Variants in FBXO11 observed in about 807,000 individuals in gnomAD.
The protein encoded by FBXO11 is F-box protein 11, also known as F-box only protein 11.
FBXO11 carries 13 observed loss-of-function variants against 117.0 expected under a neutral mutation model. The ratio of observed to expected loss-of-function variants is 0.11; its 90% confidence interval spans 0.07 to 0.18. The LOEUF (loss-of-function observed/expected upper bound fraction) is 0.18. FBXO11 is among the 10% of genes least tolerant of loss of function. The pLI, the probability that FBXO11 is intolerant of heterozygous loss-of-function variation, is 1.00. For missense variants in FBXO11, 767 were observed against 1,164.4 expected (o/e 0.66, Z 4.97); for synonymous variants, 490 against 380.5 (o/e 1.29, Z -3.35).
chr2:47,807,988 A>G lies in FBXO11; in HGVS notation c.*130T>C, dbSNP rs971197622. ...TGGTAGCTTGAGCTTCATAGTGTCA[A>G]CTGACCTTGTGTATCCATTTTTAAT... On this transcript the variant is annotated 3_prime_UTR_variant, in exon 23 of 23. Coordinates refer to ENST00000403359, the MANE Select transcript of FBXO11 (RefSeq NM_001190274.2). The G allele has an allele frequency of 5.2e-5, 43 of 819,360 alleles. 1 individual carries two copies. The highest frequency in any genetic ancestry group is 5.4e-5 in the Non-Finnish European group (28 of 520,376). The allele number at this position is 819,360 out of a possible 1,614,324, so 50.8% of individuals were successfully genotyped here. A position where few individuals can be genotyped will look rare whatever the true frequency, so the allele number is the denominator to read the frequency against.
In FBXO11 at chr2:47,813,391, A is replaced by C. The variant is rs777344501; in HGVS notation, c.2084-14T>G. On this transcript the variant is annotated splice_polypyrimidine_tract_variant and intron_variant, in intron 17 of 22. Coordinates refer to ENST00000403359, the MANE Select transcript of FBXO11 (RefSeq NM_001190274.2). ...TACAGCCTAGACCTATAAATGCAAA[A>C]ATGTAGGTTATCTAGAAGGTATATT... 9.5e-6 allele frequency: 14 copies of C among 1,471,500 alleles called. No individual in the cohort carries two copies. The highest frequency in any genetic ancestry group is 1.2e-5 in the Non-Finnish European group (13 of 1,086,422). The allele number at this position is 1,471,500 out of a possible 1,614,324, so 91.2% of individuals were successfully genotyped here. A position where few individuals can be genotyped will look rare whatever the true frequency, so the allele number is the denominator to read the frequency against.
chr2:47,807,857 A>G lies in FBXO11; in HGVS notation c.*261T>C. The G allele has an allele frequency of 2.9e-6, 1 of 346,146 alleles. No individual in the cohort carries two copies. The highest frequency in any genetic ancestry group is 5.3e-6 in the Non-Finnish European group (1 of 188,448). The allele number at this position is 346,146 out of a possible 1,614,324, so 21.4% of individuals were successfully genotyped here. Reference sequence around the variant, plus strand: ...GCTTTTCAGAAGTTGGTATCTGTACAAAATTGCAGCTTATTTTCTTCACTT... The same window carrying G: ...GCTTTTCAGAAGTTGGTATCTGTACGAAATTGCAGCTTATTTTCTTCACTT... On this transcript the variant is annotated 3_prime_UTR_variant, in exon 23 of 23. Transcript: ENST00000403359.
At chr2:47,869,749 G>A (rs372645767) in intron 1 of FBXO11, among the ~76,000 whole-genome samples, 1 of 152,214 alleles carries the variant, frequency 6.6e-6, no homozygotes, top group Non-Finnish European at 1.5e-5. Flanking sequence ...CCCCACTCAC[G>A]TGTTTTGCAT....
At chr2:47,864,375 G>A (rs956395277) in intron 1 of FBXO11, among the ~76,000 whole-genome samples, 1 of 152,194 alleles carries the variant, frequency 6.6e-6, no homozygotes, top group Non-Finnish European at 1.5e-5. Context: ...ATCACCTGAG[G>A]TCAGGAGTTC....
At chr2:47,857,173 T>C (rs1674363632) in intron 1 of FBXO11, among the ~76,000 whole-genome samples, 1 of 152,226 alleles carries the variant, frequency 6.6e-6, no homozygotes, top group East Asian at 1.9e-4. Flanking sequence ...TAACAGTGCA[T>C]GTGGATTTAC....
chr2:47,824,233 C>A (rs1192738410), intron 11 of FBXO11, among the ~76,000 whole-genome samples: 1 of 152,134 alleles, frequency 6.6e-6, no homozygotes. Flanking sequence ...GTGGCTGGGC[C>A]TCCCAGCACT....
intron 16 of FBXO11, among the ~76,000 whole-genome samples, chr2:47,814,740 C>T (rs759671814): frequency 4.6e-5 from 7 of 152,270 alleles, no homozygotes; most frequent in Non-Finnish European, 7.4e-5. Context: ...CTTCCTTTCA[C>T]GGAAGATTTC....
chr2:47,871,624 T>C (rs1675631095), intron 1 of FBXO11, among the ~76,000 whole-genome samples: 1 of 152,214 alleles, frequency 6.6e-6, no homozygotes, highest in Non-Finnish European at 1.5e-5. Flanking sequence ...GTTCATTCCA[T>C]AAACCGCCTA....
At chr2:47,810,237 A>G in intron 19 of FBXO11, 79 bp downstream of exon 19, 1 of 955,742 alleles carries the variant, frequency 1.0e-6, no homozygotes, top group South Asian at 1.7e-5. Context: ...GTTAATAAGC[A>G]AAACAAAATG....
intron 1 of FBXO11, among the ~76,000 whole-genome samples, chr2:47,898,269 T>C (rs980122011): frequency 3.9e-5 from 6 of 152,218 alleles, no homozygotes; most frequent in Admixed American, 6.5e-5. Flanking sequence ...TAAAGGAAGT[T>C]AGTTGGTTTC....
chr2:47,883,808 G>A, intron 1 of FBXO11: 2 of 224,706 alleles, frequency 8.9e-6, no homozygotes, highest in Non-Finnish European at 9.2e-6. Flanking sequence ...AGTCGGGAGT[G>A]CCCTTCAGAT....
intron 7 of FBXO11, among the ~76,000 whole-genome samples, chr2:47,833,716 A>G (rs1373455704): frequency 6.6e-6 from 1 of 152,162 alleles, no homozygotes; most frequent in Non-Finnish European, 1.5e-5. Context: ...TAAAAATTCT[A>G]TTTCAGTTCC....
chr2:47,850,359 G>T (rs1285630687), intron 1 of FBXO11, among the ~76,000 whole-genome samples: 2 of 152,150 alleles, frequency 1.3e-5, no homozygotes, highest in Non-Finnish European at 2.9e-5. Context: ...TAAATATGTA[G>T]ATCTCAAGCA....
intron 14 of FBXO11, among the ~76,000 whole-genome samples, chr2:47,819,426 G>A (rs372235621): frequency 4.7e-4 from 71 of 152,254 alleles, no homozygotes; most frequent in African/African-American, 1.6e-3. Flanking sequence ...ATCTTGGCCA[G>A]GGTGGTCTTG....
At chr2:47,818,707 G>T in intron 16 of FBXO11, 72 bp downstream of exon 16, 2 of 977,292 alleles carry the variant, frequency 2.0e-6, no homozygotes, top group Non-Finnish European at 3.1e-6. Flanking sequence ...TAAACAATAA[G>T]CAAATTTCTT....
chr2:47,836,516 A>G lies in FBXO11; in HGVS notation c.588-515T>C, dbSNP rs145174464. ...CCCAAGTAGCTGGAACTACAGGCAC[A>G]TGTTACCCAGGCTGGTCTCGAACTC... On this transcript the variant is annotated intron_variant, in intron 4 of 22. Coordinates refer to ENST00000403359, the MANE Select transcript of FBXO11 (RefSeq NM_001190274.2). 2.8e-3 allele frequency among the ~76,000 whole-genome samples: 420 copies of G among 151,988 alleles called. 1 individual carries two copies. The highest frequency in any genetic ancestry group is 0.01 in the Middle Eastern group (3 of 294).
At chr2:47,902,135 T>C (rs1379330261) in intron 1 of FBXO11, among the ~76,000 whole-genome samples, 2 of 151,996 alleles carry the variant, frequency 1.3e-5, no homozygotes, top group Non-Finnish European at 2.9e-5. Context: ...GAGGTTTCAC[T>C]ACGTTGGCCA....
intron 14 of FBXO11, among the ~76,000 whole-genome samples, chr2:47,819,521 T>A (rs1219567883): frequency 6.6e-6 from 1 of 152,194 alleles, no homozygotes; most frequent in African/African-American, 2.4e-5. Context: ...GCCAACATTC[T>A]TTTTATGTAG....
chr2:47,884,680 G>A (rs915517076), intron 1 of FBXO11, among the ~76,000 whole-genome samples: 2 of 152,202 alleles, frequency 1.3e-5, no homozygotes, highest in Non-Finnish European at 2.9e-5. Flanking sequence ...CCTGATGGCT[G>A]TTCCTTACAG....
Sources: gnomAD v4.1 joint callset for allele counts (sites outside exome capture counted in the v4.1 genomes callset) on GRCh38, gnomAD v4.1.1 for gene constraint, MANE v1.5 for transcripts, NCBI Gene and HGNC (gene_info 2026-07-23, HGNC 2026-07-21) for gene names.